Variants in IKZF1 observed in about 807,000 individuals in gnomAD.
The protein encoded by IKZF1 is DNA-binding protein Ikaros.
IKZF1 carries 10 observed loss-of-function variants against 51.7 expected under a neutral mutation model. The ratio of observed to expected loss-of-function variants is 0.19; its 90% CI spans 0.12 to 0.33. The LOEUF (loss-of-function observed/expected upper bound fraction) is 0.33, where lower values mean the gene tolerates loss of function less well. IKZF1 is among the 10% of genes least tolerant of loss of function. IKZF1 has a pLI of 1.00. For missense variants in IKZF1, 484 were observed against 707.5 expected (o/e 0.68, Z 3.58); for synonymous variants, 280 against 282.3 (o/e 0.99, Z 0.08).
At chr7:50,369,739 G>A (rs1426563225) in intron 3 of IKZF1, 1 of 396,056 alleles carries the variant, frequency 2.5e-6, no homozygotes, top group Non-Finnish European at 4.4e-6. Context: ...GTCCGTAGTT[G>A]CTGGAGGAAA....
intron 6 of IKZF1, 115 bp from the exon 7 acceptor site, chr7:50,391,614 C>G: frequency 2.8e-6 from 4 of 1,441,770 alleles, no homozygotes; most frequent in Middle Eastern, 2.1e-4. Flanking sequence ...GAATTAATCT[C>G]TAGGAAGGGC....
chr7:50,394,358 GGTGA>G (rs1353699342), intron 7 of IKZF1: 2 of 233,126 alleles, frequency 8.6e-6, no homozygotes, highest in East Asian at 6.0e-5. Context: ...AAAATTAAAA[GGTGA>G]GTGAGTCTCT....
Position 50,376,352 on chromosome 7 carries a change from A to G in IKZF1, c.161-181A>G, listed in dbSNP as rs1255085008. Among the ~76,000 whole-genome samples the G allele has an allele frequency of 6.6e-6, 1 of 152,198 alleles. No homozygotes were observed. The highest frequency in any genetic ancestry group is 2.4e-5 in the African/African-American group (1 of 41,444). ...CCCCAGGTGCATCCCGAGGCCTGCC[A>G]CCGAAGCCCACTCAAGGCTGAATGC... On this transcript the variant is annotated intron_variant, in intron 3 of 7. Coordinates refer to ENST00000331340, the MANE Select transcript of IKZF1 (RefSeq NM_006060.6). The surrounding 1 kb of genome is among the most constrained non-coding windows in gnomAD (Gnocchi z 4.5).
chr7:50,362,408 C>G (rs779530937), intron 3 of IKZF1, among the ~76,000 whole-genome samples: 3 of 152,226 alleles, frequency 2.0e-5, no homozygotes, highest in Non-Finnish European at 4.4e-5. Context: ...AAGGCGTTTT[C>G]CTGCCTTCTT....
chr7:50,387,662 C>T (rs1468571667), intron 6 of IKZF1, among the ~76,000 whole-genome samples, 192 bp downstream of exon 6: 11 of 152,172 alleles, frequency 7.2e-5, no homozygotes, highest in African/African-American at 2.7e-4. Flanking sequence ...CTTTCTAGGT[C>T]CTCATCTGAC....
At chr7:50,313,784 G>T (rs1218972263) in intron 1 of IKZF1, among the ~76,000 whole-genome samples, 1 of 152,246 alleles carries the variant, frequency 6.6e-6, no homozygotes, top group Non-Finnish European at 1.5e-5. Context: ...TAGCAAGTAG[G>T]TGTTGAATTC....
chr7:50,361,739 G>T (rs577556816), intron 3 of IKZF1, among the ~76,000 whole-genome samples: 1 of 152,264 alleles, frequency 6.6e-6, no homozygotes, highest in African/African-American at 2.4e-5. Context: ...AGCTGGGCAT[G>T]GTGGTGCGCG....
intron 4 of IKZF1, among the ~76,000 whole-genome samples, chr7:50,379,116 G>C (rs1240537997): frequency 6.6e-6 from 1 of 152,112 alleles, no homozygotes; most frequent in African/African-American, 2.4e-5. Context: ...TTCAGACCTG[G>C]GGGGAGGCAG....
chr7:50,338,642 A>G (rs1562773563), intron 3 of IKZF1, among the ~76,000 whole-genome samples: 1 of 152,252 alleles, frequency 6.6e-6, no homozygotes, highest in Admixed American at 6.5e-5. Context: ...ATGCAAAAGT[A>G]GAAAGGCTTA....
chr7:50,363,739 G>A (rs1442223284), intron 3 of IKZF1, among the ~76,000 whole-genome samples: 1 of 152,200 alleles, frequency 6.6e-6, no homozygotes, highest in Non-Finnish European at 1.5e-5. Flanking sequence ...AGGTCTGAAA[G>A]GTTTTCATAG....
At chr7:50,395,811 T>C (rs1232437872) in intron 7 of IKZF1, among the ~76,000 whole-genome samples, 4 of 152,264 alleles carry the variant, frequency 2.6e-5, no homozygotes, top group African/African-American at 9.6e-5. Context: ...GATGTTGGCC[T>C]GTTGCCTTTG....
At chr7:50,363,035 T>C (rs1238525268) in intron 3 of IKZF1, among the ~76,000 whole-genome samples, 1 of 152,086 alleles carries the variant, frequency 6.6e-6, no homozygotes, top group Non-Finnish European at 1.5e-5. Flanking sequence ...CAGACATAAT[T>C]TGGCCATGAG....
intron 3 of IKZF1, chr7:50,328,094 CACTT>C (rs1451946575): frequency 9.9e-6 from 2 of 202,892 alleles, no homozygotes; most frequent in African/African-American, 4.6e-5. Flanking sequence ...GAAAATTACA[CACTT>C]ACGTGTTTTG....
intron 7 of IKZF1, among the ~76,000 whole-genome samples, chr7:50,393,180 A>C (rs1005103954): frequency 6.6e-6 from 1 of 152,162 alleles, no homozygotes; most frequent in Non-Finnish European, 1.5e-5. Flanking sequence ...TGTCAGAGGA[A>C]CATAGGGCTG....
Position 50,328,151 on chromosome 7 carries a change from C to G in IKZF1, c.160+394C>G, listed in dbSNP as rs144724360. 943 of 160,582 alleles carry G rather than the reference C, an allele frequency of 5.9e-3. 11 individuals are homozygous for G. Among genetic ancestry groups the G allele is most frequent in the African/African-American group, 0.021 (894 of 41,878 alleles). The allele number at this position is 160,582 out of a possible 1,614,324, so 9.9% of individuals were successfully genotyped here. A position where few individuals can be genotyped will look rare whatever the true frequency, so the allele number is the denominator to read the frequency against. ...TGTTTGGGGTTAGAACAAGCCACATCTGGCCATTTTATGTTATCCCTCTAA... is the reference window on the plus strand; with the variant it reads ...TGTTTGGGGTTAGAACAAGCCACATGTGGCCATTTTATGTTATCCCTCTAA... On this transcript the variant is annotated intron_variant, in intron 3 of 7. Transcript: ENST00000331340.
intron 3 of IKZF1, among the ~76,000 whole-genome samples, chr7:50,356,051 T>G (rs1394023234): frequency 1.3e-5 from 2 of 152,244 alleles, no homozygotes; most frequent in Non-Finnish European, 2.9e-5. Flanking sequence ...TCATTTTCCC[T>G]CAGTTTCAGG....
intron 1 of IKZF1, among the ~76,000 whole-genome samples, chr7:50,307,667 C>T (rs774701579): frequency 2.0e-5 from 3 of 152,158 alleles, no homozygotes; most frequent in Non-Finnish European, 4.4e-5. Flanking sequence ...TTGAAGCTTA[C>T]AAGAAGAGAA....
chr7:50,361,651 G>A (rs1805273146), intron 3 of IKZF1, among the ~76,000 whole-genome samples: 1 of 152,208 alleles, frequency 6.6e-6, no homozygotes, highest in Non-Finnish European at 1.5e-5. Context: ...GCCGAGGTGG[G>A]CTGATCACAA....
intron 3 of IKZF1, among the ~76,000 whole-genome samples, chr7:50,352,544 G>A (rs1802123714): frequency 6.6e-6 from 1 of 152,194 alleles, no homozygotes; most frequent in Non-Finnish European, 1.5e-5. Flanking sequence ...TAGCTGATAT[G>A]GATGATGTGT....
Sources: gnomAD v4.1 joint callset for allele counts (sites outside exome capture counted in the v4.1 genomes callset) on GRCh38, gnomAD v4.1.1 for gene constraint, Gnocchi (gnomAD v3.1) non-coding constraint, MANE v1.5 for transcripts, NCBI Gene and HGNC (gene_info 2026-07-23, HGNC 2026-07-21) for gene names.